IPCEF1: variants seen among roughly 807,000 people sequenced by gnomAD.
IPCEF1 encodes the protein interaction protein for cytohesin exchange factors 1, also known as interactor protein for cytohesin exchange factors 1.
A neutral mutation model predicts 50.9 loss-of-function variants in IPCEF1; 31 were observed. That is an observed-to-expected ratio of 0.61 (90% CI 0.46 to 0.82). The LOEUF (loss-of-function observed/expected upper bound fraction) is 0.82, where lower values mean the gene tolerates loss of function less well. Ranked by LOEUF, IPCEF1 falls within the 40% of genes least tolerant of loss-of-function variation. The pLI is 0.00. For missense variants in IPCEF1, 458 were observed against 514.0 expected (o/e 0.89, Z 1.05); for synonymous variants, 181 against 192.0 (o/e 0.94, Z 0.47).
intron 7 of IPCEF1, among the ~76,000 whole-genome samples, chr6:154,215,522 C>T (rs1202377665): frequency 2.0e-5 from 3 of 152,136 alleles, no homozygotes; most frequent in Non-Finnish European, 4.4e-5. Flanking sequence ...AGGAGAATCA[C>T]TTGTACCTGG....
At chr6:154,188,090 A>C (rs1756381165) in intron 10 of IPCEF1, among the ~76,000 whole-genome samples, 1 of 152,268 alleles carries the variant, frequency 6.6e-6, no homozygotes, top group Non-Finnish European at 1.5e-5. Context: ...TATCATTTGT[A>C]GAAATATGAT....
chr6:154,230,815 T>C (rs1228277914), intron 5 of IPCEF1, among the ~76,000 whole-genome samples: 10 of 152,058 alleles, frequency 6.6e-5, no homozygotes, highest in Non-Finnish European at 1.2e-4. Context: ...CAACATCTTC[T>C]CCCCTAAAAC....
At chr6:154,250,594 C>A (rs941762317) in intron 3 of IPCEF1, among the ~76,000 whole-genome samples, 5 of 152,150 alleles carry the variant, frequency 3.3e-5, no homozygotes, top group African/African-American at 1.2e-4. Flanking sequence ...ACAAAAGACC[C>A]AGTAGAAAAT....
At chr6:154,202,223 T>C (rs78840385) in intron 9 of IPCEF1, among the ~76,000 whole-genome samples, 7 of 152,156 alleles carry the variant, frequency 4.6e-5, no homozygotes, top group East Asian at 1.9e-4. Flanking sequence ...ACATATCTTC[T>C]CAATAATCAT....
intron 9 of IPCEF1, among the ~76,000 whole-genome samples, chr6:154,211,191 C>T (rs539631286): frequency 2.0e-5 from 3 of 151,992 alleles, no homozygotes; most frequent in East Asian, 3.9e-4. Flanking sequence ...CCGAGGCAGG[C>T]GGATCATGAG....
rs1357830926 is a variant in IPCEF1, at chr6:154,265,973, GA to G, written c.-17-10del. The G allele has an allele frequency of 1.9e-6, 3 of 1,562,900 alleles. No homozygotes were observed. The highest frequency in any genetic ancestry group is 2.3e-5 in the East Asian group (1 of 43,872). On this transcript the variant is annotated splice_polypyrimidine_tract_variant and intron_variant, in intron 2 of 11. Coordinates refer to ENST00000367220, the MANE Select transcript of IPCEF1 (RefSeq NM_001130700.2). ...CTTAGTAGAAACAAAAGCTAGAAGAGAAAAAATGTTTTCAGTTAAATGTGAG... is the reference window on the plus strand; with the variant it reads ...CTTAGTAGAAACAAAAGCTAGAAGAGAAAAATGTTTTCAGTTAAATGTGAG...
intron 10 of IPCEF1, among the ~76,000 whole-genome samples, chr6:154,169,094 C>T (rs1228474892): frequency 6.6e-6 from 1 of 151,500 alleles, no homozygotes; most frequent in African/African-American, 2.4e-5. Context: ...GGTGTGGTGG[C>T]TCACGCCTGT....
intron 5 of IPCEF1, among the ~76,000 whole-genome samples, chr6:154,241,048 C>A (rs1282066249): frequency 6.6e-6 from 1 of 151,842 alleles, no homozygotes; most frequent in Non-Finnish European, 1.5e-5. Context: ...CCATCCTGGC[C>A]AACATGGTGA....
intron 3 of IPCEF1, 36 bp downstream of exon 3, chr6:154,265,876 A>G: frequency 1.4e-6 from 2 of 1,480,518 alleles, no homozygotes; most frequent in South Asian, 1.2e-5. Flanking sequence ...CAAACTGACA[A>G]TATCTAAAGC....
At chr6:154,341,584 C>T (rs760053186) in intron 1 of IPCEF1, among the ~76,000 whole-genome samples, 5 of 152,094 alleles carry the variant, frequency 3.3e-5, no homozygotes, top group African/African-American at 4.8e-5. Flanking sequence ...AAATCAGTTC[C>T]GGATCTTTTA....
intron 1 of IPCEF1, among the ~76,000 whole-genome samples, chr6:154,297,539 C>A (rs1782695212): frequency 6.6e-6 from 1 of 152,186 alleles, no homozygotes; most frequent in African/African-American, 2.4e-5. Context: ...GCATCTATTC[C>A]ACTTTTTAGA....
chr6:154,173,247 C>A (rs1008394496), intron 10 of IPCEF1, among the ~76,000 whole-genome samples: 1 of 152,112 alleles, frequency 6.6e-6, no homozygotes, highest in African/African-American at 2.4e-5. Flanking sequence ...TTCCAAAAAC[C>A]AGAACACCTC....
At chr6:154,298,431 T>A (rs1782715452) in intron 1 of IPCEF1, among the ~76,000 whole-genome samples, 1 of 152,202 alleles carries the variant, frequency 6.6e-6, no homozygotes, top group Non-Finnish European at 1.5e-5. Context: ...TAAATGTAAG[T>A]CAGCAGTTTC....
At chr6:154,324,384 G>A (rs1434192739) in intron 1 of IPCEF1, among the ~76,000 whole-genome samples, 1 of 151,758 alleles carries the variant, frequency 6.6e-6, no homozygotes, top group Non-Finnish European at 1.5e-5. Context: ...TGGGCAAGAT[G>A]GCAAGACCCC....
intron 1 of IPCEF1, among the ~76,000 whole-genome samples, chr6:154,342,674 CTG>C (rs1317272653): frequency 6.6e-6 from 1 of 152,134 alleles, no homozygotes. Context: ...GTTACTCAGG[CTG>C]GTCTCAAACT....
chr6:154,191,810 A>T (rs1201493787), intron 10 of IPCEF1, among the ~76,000 whole-genome samples: 1 of 152,228 alleles, frequency 6.6e-6, no homozygotes, highest in Non-Finnish European at 1.5e-5. Flanking sequence ...GCAAGGTGTT[A>T]ATAATAGAGG....
intron 10 of IPCEF1, among the ~76,000 whole-genome samples, chr6:154,195,217 G>A (rs542420303): frequency 4.8e-5 from 7 of 145,418 alleles, no homozygotes; most frequent in African/African-American, 1.0e-4. Context: ...GCACGATCTC[G>A]GCTCACTGCA....
intron 1 of IPCEF1, among the ~76,000 whole-genome samples, chr6:154,336,639 T>C (rs1783793456): frequency 6.6e-6 from 1 of 152,184 alleles, no homozygotes; most frequent in Non-Finnish European, 1.5e-5. Context: ...GGTCTCACTC[T>C]GTTACCCAGG....
At chr6:154,182,358 C>T (rs1208122175) in intron 10 of IPCEF1, among the ~76,000 whole-genome samples, 3 of 152,100 alleles carry the variant, frequency 2.0e-5, no homozygotes, top group South Asian at 2.1e-4. Context: ...ATTGGGTGAT[C>T]TTTAATGGTT....
Sources: allele counts gnomAD v4.1 joint callset (sites outside exome capture counted in the v4.1 genomes callset), GRCh38; gene constraint gnomAD v4.1.1; transcripts MANE v1.5; gene names NCBI Gene and HGNC (gene_info 2026-07-23, HGNC 2026-07-21).